Variants in FAM3D observed in about 807,000 individuals in gnomAD.
FAM3D encodes the protein protein FAM3D.
In FAM3D, 26 loss-of-function variants were observed where a neutral mutation model predicts 29.8. That is an observed-to-expected ratio of 0.87 (90% CI 0.64 to 1.21). The LOEUF is 1.21. Ranked by LOEUF, FAM3D falls within the 50% of genes most tolerant of loss-of-function variation. The pLI, the probability that FAM3D is intolerant of heterozygous loss-of-function variation, is 0.00. For synonymous variants in FAM3D, 115 were observed against 102.3 expected (o/e 1.12, Z -0.75); for missense variants, 253 against 290.9 (o/e 0.87, Z 0.95).
chr3:58,660,826 G>A (rs994439991), intron 1 of FAM3D, among the ~76,000 whole-genome samples: 1 of 152,108 alleles, frequency 6.6e-6, no homozygotes, highest in Non-Finnish European at 1.5e-5. Flanking sequence ...ATTTTAACTT[G>A]TTTAATCTTA....
chr3:58,636,337 AAGACCCAGCTGTCCC>A lies in FAM3D; in HGVS notation c.527_541del (p.Arg176_Phe181delinsLeu). ...ACCCCTGAGGTCTTTGGCTCCTATGAAGACCCAGCTGTCCCGGAAGCCCAGTTGTTTTGCGTAGGA... is the reference window on the plus strand; with the variant it reads ...ACCCCTGAGGTCTTTGGCTCCTATGAGGAAGCCCAGTTGTTTTGCGTAGGA... On this transcript the variant is annotated inframe_deletion, in exon 9 of 10. Coordinates refer to ENST00000358781, the MANE Select transcript of FAM3D (RefSeq NM_138805.3). 1.2e-6 allele frequency: 2 copies of A among 1,614,192 alleles called. No individual in the cohort carries two copies. The highest frequency in any genetic ancestry group is 1.7e-6 in the Non-Finnish European group (2 of 1,180,038).
intron 6 of FAM3D, 54 bp downstream of exon 6, chr3:58,643,608 C>G: frequency 6.4e-7 from 1 of 1,570,798 alleles, no homozygotes; most frequent in South Asian, 1.1e-5. Flanking sequence ...GCCGCTACCC[C>G]CTACCCTCCC....
intron 1 of FAM3D, among the ~76,000 whole-genome samples, chr3:58,663,808 T>C (rs953906273): frequency 1.3e-4 from 20 of 152,316 alleles, no homozygotes; most frequent in African/African-American, 4.3e-4. Context: ...GTTTTGTGCC[T>C]GGCTCCCAGC....
chr3:58,637,381 C>T (rs2066204820), intron 7 of FAM3D, among the ~76,000 whole-genome samples, 156 bp from the exon 8 acceptor site: 1 of 152,112 alleles, frequency 6.6e-6, no homozygotes, highest in South Asian at 2.1e-4. Flanking sequence ...AGGTGGAGCT[C>T]CCTGTAGCCC....
chr3:58,653,864 A>G (rs1007393336), intron 2 of FAM3D, 83 bp from the exon 3 acceptor site: 13 of 1,028,326 alleles, frequency 1.3e-5, no homozygotes, highest in Non-Finnish European at 1.7e-5. Context: ...CCCAAATCCC[A>G]CAGACCCCAT....
chr3:58,654,087 C>G (rs931774547), intron 2 of FAM3D, among the ~76,000 whole-genome samples: 6 of 152,210 alleles, frequency 3.9e-5, no homozygotes, highest in Admixed American at 2.0e-4. Flanking sequence ...AGCAATGAGG[C>G]CAGCATTCTA....
At chr3:58,640,073 A>C (rs2066284238) in intron 7 of FAM3D, 54 bp downstream of exon 7, 1 of 1,589,682 alleles carries the variant, frequency 6.3e-7, no homozygotes, top group African/African-American at 1.3e-5. Context: ...GAAGAGGCTC[A>C]GCCCTCTGCA....
intron 5 of FAM3D, 82 bp downstream of exon 5, chr3:58,645,426 CT>C (rs2066447181): frequency 8.8e-7 from 1 of 1,141,558 alleles, no homozygotes; most frequent in African/African-American, 1.5e-5. Context: ...AGGCCAGCCC[CT>C]GCAGCCTCTG....
chr3:58,640,921 G>A (rs919026430), intron 6 of FAM3D, among the ~76,000 whole-genome samples: 3 of 152,348 alleles, frequency 2.0e-5, no homozygotes, highest in African/African-American at 7.2e-5. Context: ...CAGGATTCTC[G>A]GGAGCCACGT....
intron 7 of FAM3D, among the ~76,000 whole-genome samples, chr3:58,638,928 C>G (rs2066250565): frequency 6.6e-6 from 1 of 152,190 alleles, no homozygotes; most frequent in Admixed American, 6.5e-5. Flanking sequence ...TGGTGCTTGT[C>G]TGGATGGACG....
intron 5 of FAM3D, among the ~76,000 whole-genome samples, chr3:58,644,078 T>G (rs1046922325): frequency 9.8e-5 from 15 of 152,298 alleles, no homozygotes; most frequent in Admixed American, 9.1e-4. Flanking sequence ...TGAGTCCCCA[T>G]GTGGCCCAGC....
rs960833791 is a variant in FAM3D, at chr3:58,666,735, C to T, written c.-198G>A. The T allele has an allele frequency of 6.6e-6, 1 of 152,258 alleles. No individual in the cohort carries two copies. The highest frequency in any genetic ancestry group is 1.5e-5 in the Non-Finnish European group (1 of 68,076). 9.4% of individuals were successfully genotyped at this position (152,258 alleles called of 1,614,324 possible). Reference sequence around the variant, plus strand: ...GGGTAGTGGCCTCACAGACGGCCCTCCTCTAGATGCAGTGGGCCCAGAGGG... The same window carrying T: ...GGGTAGTGGCCTCACAGACGGCCCTTCTCTAGATGCAGTGGGCCCAGAGGG... On this transcript the variant is annotated 5_prime_UTR_variant, in exon 1 of 10. Coordinates refer to ENST00000358781, the MANE Select transcript of FAM3D (RefSeq NM_138805.3).
chr3:58,651,444 T>C (rs1347286870), intron 3 of FAM3D, among the ~76,000 whole-genome samples: 1 of 152,212 alleles, frequency 6.6e-6, no homozygotes, highest in Non-Finnish European at 1.5e-5. Flanking sequence ...TGTAAACATT[T>C]CCTGAGACTC....
chr3:58,665,904 A>G (rs1042670463), intron 1 of FAM3D, among the ~76,000 whole-genome samples: 1 of 152,202 alleles, frequency 6.6e-6, no homozygotes, highest in Non-Finnish European at 1.5e-5. Flanking sequence ...AACTTCAGCG[A>G]TTGATGGGGG....
In FAM3D at chr3:58,634,358, T is replaced by C. The variant is rs1363309812; in HGVS notation, c.596A>G (p.Asn199Ser). The C allele has an allele frequency of 3.1e-6, 5 of 1,613,866 alleles. No homozygotes were observed. The highest frequency in any genetic ancestry group is 3.4e-6 in the Non-Finnish European group (4 of 1,179,996). ...CTCGTATTTGTTTGTGTCTGGGCTG[T>C]TCTTTAAGAACTAGAGAGAGAGAAG... ...GKSPFEQFLK[N>S]SPDTNKYEGW... The change falls in exon 10 of 10, where the codon AAC (asparagine) becomes AGC (serine). Residue 199 changes from asparagine to serine, a missense_variant. Coordinates refer to ENST00000358781, the MANE Select transcript of FAM3D (RefSeq NM_138805.3). This position sits in a 1 kb window ranked among gnomAD's most constrained non-coding sequence, Gnocchi z 4.6.
chr3:58,658,869 A>T (rs2066876087), intron 1 of FAM3D, among the ~76,000 whole-genome samples: 1 of 152,206 alleles, frequency 6.6e-6, no homozygotes. Context: ...ATCCTCAACC[A>T]CTACGGTGCA....
At chr3:58,651,030 C>T (rs573080792) in intron 3 of FAM3D, among the ~76,000 whole-genome samples, 5 of 152,234 alleles carry the variant, frequency 3.3e-5, no homozygotes, top group South Asian at 2.1e-4. Context: ...CACTCTTATC[C>T]GAAAGAACTC....
At chr3:58,651,520 C>T (rs976753284) in intron 3 of FAM3D, among the ~76,000 whole-genome samples, 2 of 152,196 alleles carry the variant, frequency 1.3e-5, no homozygotes, top group African/African-American at 4.8e-5. Context: ...TTCTCTGACT[C>T]AGACCATGAG....
At chr3:58,646,423 G>A (rs745542920) in intron 4 of FAM3D, among the ~76,000 whole-genome samples, 10 of 152,186 alleles carry the variant, frequency 6.6e-5, no homozygotes, top group Non-Finnish European at 1.5e-4. Flanking sequence ...TCCATGCCTG[G>A]GGGGAGATGC....
Sources: gnomAD v4.1 joint callset for allele counts (sites outside exome capture counted in the v4.1 genomes callset) on GRCh38, gnomAD v4.1.1 for gene constraint, Gnocchi (gnomAD v3.1) non-coding constraint, MANE v1.5 for transcripts, NCBI Gene and HGNC (gene_info 2026-07-23, HGNC 2026-07-21) for gene names.